The following GORASP1 variants were observed in gnomAD, a reference collection of about 807,000 sequenced individuals.
The protein encoded by GORASP1 is Golgi reassembly-stacking protein 1.
Under a neutral mutation model 37.7 loss-of-function variants are expected in GORASP1, and 31 were observed. The ratio of observed to expected loss-of-function variants is 0.82; its 90% CI spans 0.62 to 1.11. The LOEUF (loss-of-function observed/expected upper bound fraction) is 1.11, where lower values mean the gene tolerates loss of function less well. GORASP1 is among the 50% of genes least tolerant of loss of function. The pLI is 0.00. For synonymous variants in GORASP1, 204 were observed against 224.8 expected (o/e 0.91, Z 0.83); for missense variants, 476 against 560.7 (o/e 0.85, Z 1.53).
chr3:39,100,311 G>A lies in GORASP1; in HGVS notation c.759C>T (p.Tyr253=), dbSNP rs541154598. 2 of 1,613,850 alleles carry A rather than the reference G, an allele frequency of 1.2e-6. No individual in the cohort carries two copies. The highest frequency in any genetic ancestry group is 2.7e-5 in the African/African-American group (2 of 74,898). Residue 253 remains tyrosine, a synonymous_variant, in exon 6 of 9, where the codon TAC becomes TAT. Transcript: ENST00000319283. The surrounding 1 kb of genome is among the most constrained non-coding windows in gnomAD (Gnocchi z 4.6). ...SLETGSRQSD[Y]MEALLQAPGS... is the part of the protein sequence containing the mutation. The stretch of plus-strand genomic sequence containing the variant: ...GCAGATTCTCCCCACATACCTCCAT[G>A]TAGTCACTCTGCCTGGAACCTGTCT...
chr3:39,102,931 G>T lies in GORASP1; in HGVS notation c.145-50C>A. On this transcript the variant is annotated intron_variant, in intron 2 of 8. Transcript: ENST00000319283. This position sits in a 1 kb window ranked among gnomAD's most constrained non-coding sequence, Gnocchi z 5.0. ...CAAGGCCACCTCATGCCCAGGCTAG[G>T]ACCCTCAGACAAGTCTGGGCCTGAG... is the stretch of plus-strand genomic sequence containing the variant. 1.3e-6 allele frequency: 2 copies of T among 1,554,488 alleles called. No homozygotes were observed. Among genetic ancestry groups the T allele is most frequent in the South Asian group, 2.2e-5 (2 of 89,898 alleles).
Position 39,099,491 on chromosome 3 carries a change from C to G in GORASP1, c.778G>C (p.Ala260Pro), listed in dbSNP as rs1341546550. Residue 260 changes from alanine (A) to proline (P), a missense_variant, in exon 7 of 9, where the codon GCA becomes CCA. Ala to Pro is a conservative substitution (Grantham distance 27). Coordinates refer to ENST00000319283, the MANE Select transcript of GORASP1 (RefSeq NM_031899.4). ...QSDYMEALLQ[A>P]PGSSMEDPLP... ...GGATCCTCCATGGAGGAGCCAGGTG[C>G]CTGCAGCAGGGCCTAGGAAAGAAGA... The G allele has an allele frequency of 2.5e-6, 4 of 1,610,198 alleles. No homozygotes were observed. The highest frequency in any genetic ancestry group is 3.4e-6 in the Non-Finnish European group (4 of 1,178,480).
Position 39,105,893 on chromosome 3 carries a change from G to A in GORASP1, c.63+1586C>T, listed in dbSNP as rs1331270509. On this transcript the variant is annotated intron_variant, in intron 1 of 8. Transcript: ENST00000319283. This position sits in a 1 kb window ranked among gnomAD's most constrained non-coding sequence, Gnocchi z 5.4. ...AAACACACAAGCACAACCTACCTCG[G>A]GGCCTCTGCACAAGCTGGTCCTTCT... Among the ~76,000 whole-genome samples the A allele has an allele frequency of 6.6e-6, 1 of 152,074 alleles. No homozygotes were observed. Among genetic ancestry groups the A allele is most frequent in the African/African-American group, 2.4e-5 (1 of 41,408 alleles).
intron 3 of GORASP1, 24 bp from the exon 4 acceptor site, chr3:39,101,126 T>C (rs1461586176): frequency 6.2e-7 from 1 of 1,610,128 alleles, no homozygotes; most frequent in Non-Finnish European, 8.5e-7. Flanking sequence ...CGCAAACCAC[T>C]GGCCATGCTA....
chr3:39,098,098 G>GCCC lies in GORASP1; in HGVS notation c.*135_*137dup. 1.0e-6 allele frequency: 1 copy of GCCC among 1,001,928 alleles called. No individual in the cohort carries two copies. The highest frequency in any genetic ancestry group is 1.5e-6 in the Non-Finnish European group (1 of 680,970). The allele number at this position is 1,001,928 out of a possible 1,614,324, so 62.1% of individuals were successfully genotyped here. On this transcript the variant is annotated 3_prime_UTR_variant, in exon 9 of 9. Coordinates refer to ENST00000319283, the MANE Select transcript of GORASP1 (RefSeq NM_031899.4). The surrounding 1 kb of genome is among the most constrained non-coding windows in gnomAD (Gnocchi z 4.7). ...AAGATATCCTCCCACAAGGCCCATG[G>GCCC]CCCCCTCTCACCACCCACTGAGGCC...
In GORASP1 at chr3:39,098,526, G is replaced by C; in HGVS notation, c.1070-37C>G. The C allele has an allele frequency of 6.3e-7, 1 of 1,588,934 alleles. No individual in the cohort carries two copies. The highest frequency in any genetic ancestry group is 8.6e-7 in the Non-Finnish European group (1 of 1,166,924). ...AAGATCAGGCTGAGGAGGTCTGCAA[G>C]AACCTAGGGCCATGGTGTTAGGGCC... On this transcript the variant is annotated intron_variant, in intron 8 of 8. Coordinates refer to ENST00000319283, the MANE Select transcript of GORASP1 (RefSeq NM_031899.4). This position sits in a 1 kb window ranked among gnomAD's most constrained non-coding sequence, Gnocchi z 4.7.
chr3:39,103,505 C>CA lies in GORASP1; in HGVS notation c.111dup (p.Asp38Ter). The CA allele has an allele frequency of 6.2e-7, 1 of 1,613,572 alleles. No individual in the cohort carries two copies. The highest frequency in any genetic ancestry group is 8.5e-7 in the Non-Finnish European group (1 of 1,179,882). On this transcript the variant is annotated frameshift_variant, in exon 2 of 9. Coordinates refer to ENST00000319283, the MANE Select transcript of GORASP1 (RefSeq NM_031899.4). LOFTEE classifies it high-confidence loss of function. The surrounding 1 kb of genome is among the most constrained non-coding windows in gnomAD (Gnocchi z 5.2). ...GAGTGCCCAATGGTGATGATGAAGT[C>CA]AAAGTAGGGCTCCAGGCCCGCCTGC...
At position 39,098,233 on chromosome 3, in the gene GORASP1, G is replaced by A. The variant is rs767521005; in HGVS notation, c.*3C>T. The stretch of plus-strand genomic sequence containing the variant: ...ATCATGGGCCTTGTCACAGCCCAGG[G>A]TGTTATTCTGTGGTAGAGATCTGGG... On this transcript the variant is annotated 3_prime_UTR_variant, in exon 9 of 9. Transcript: ENST00000319283. This position sits in a 1 kb window ranked among gnomAD's most constrained non-coding sequence, Gnocchi z 4.7. 27 of 1,613,582 alleles carry A rather than the reference G, an allele frequency of 1.7e-5. No homozygotes were observed. Among genetic ancestry groups the A allele is most frequent in the Non-Finnish European group, 8.5e-7 (1 of 1,179,886 alleles).
At chr3:39,104,857 G>A (rs1330796023) in intron 1 of GORASP1, among the ~76,000 whole-genome samples, 3 of 152,226 alleles carry the variant, frequency 2.0e-5, no homozygotes, top group Non-Finnish European at 4.4e-5. Flanking sequence ...CCCCGCTGCA[G>A]GGGAGCTCTG....
chr3:39,099,491 C>A lies in GORASP1; in HGVS notation c.778G>T (p.Ala260Ser). The A allele has an allele frequency of 6.2e-7, 1 of 1,610,316 alleles. No individual in the cohort carries two copies. The highest frequency in any genetic ancestry group is 1.1e-5 in the South Asian group (1 of 90,250). The change falls in exon 7 of 9, where the codon GCA (alanine) becomes TCA (serine). Residue 260 changes from alanine (A) to serine (S), a missense_variant. Coordinates refer to ENST00000319283, the MANE Select transcript of GORASP1 (RefSeq NM_031899.4). ...QSDYMEALLQ[A>S]PGSSMEDPLP... is the part of the protein sequence containing the mutation. Reference sequence around the variant, plus strand: ...GGATCCTCCATGGAGGAGCCAGGTGCCTGCAGCAGGGCCTAGGAAAGAAGA... The same window carrying A: ...GGATCCTCCATGGAGGAGCCAGGTGACTGCAGCAGGGCCTAGGAAAGAAGA...
rs1000439869 is a variant in GORASP1 at position 39,102,503 on chromosome 3, G to A, written c.348+175C>T. 2 of 656,236 alleles carry A rather than the reference G, an allele frequency of 3.0e-6. No homozygotes were observed. Among genetic ancestry groups the A allele is most frequent in the Non-Finnish European group, 5.4e-6 (2 of 369,208 alleles). 40.7% of individuals were successfully genotyped at this position (656,236 alleles called of 1,614,324 possible). ...TACACTGTTCAGGTAGTAATGAGCT[G>A]CCCTCTCTGGGACACTGGAATGAGA... On this transcript the variant is annotated intron_variant, in intron 3 of 8. Coordinates refer to ENST00000319283, the MANE Select transcript of GORASP1 (RefSeq NM_031899.4). This position sits in a 1 kb window ranked among gnomAD's most constrained non-coding sequence, Gnocchi z 5.0.
Position 39,098,264 on chromosome 3 carries a change from C to T in GORASP1, c.1295G>A (p.Ser432Asn), listed in dbSNP as rs36101370. ...TTCTGTGGTAGAGATCTGGGCCTGG[C>T]TGTCCAGCCCCTCAGCCTCCGTCCC... ...DTGTEAEGLDSQAQISTTE is the reference protein window; with the variant it reads ...DTGTEAEGLDNQAQISTTE The change falls in exon 9 of 9, where the codon AGC becomes AAC. Residue 432 changes from serine to asparagine, a missense_variant. Coordinates refer to ENST00000319283, the MANE Select transcript of GORASP1 (RefSeq NM_031899.4). The surrounding 1 kb of genome is among the most constrained non-coding windows in gnomAD (Gnocchi z 4.7). 1.5e-3 allele frequency: 2,493 copies of T among 1,614,160 alleles called. 32 individuals carry two copies. In the African/African-American group the frequency reaches 0.03, roughly 19 times the overall value.
chr3:39,103,861 G>T lies in GORASP1; in HGVS notation c.64-308C>A, dbSNP rs956230776. The T allele has an allele frequency of 3.2e-6, 1 of 308,864 alleles. No homozygotes were observed. Among genetic ancestry groups the T allele is most frequent in the African/African-American group, 2.2e-5 (1 of 46,398 alleles). The allele number at this position is 308,864 out of a possible 1,614,324, so 19.1% of individuals were successfully genotyped here. ...TATGGAGACAGGCTGGCCCAGGCCT[G>T]TGGGAATGCTGCTCTAGAGGGCTAG... is the stretch of plus-strand genomic sequence containing the variant. On this transcript the variant is annotated intron_variant, in intron 1 of 8. Transcript: ENST00000319283. This position sits in a 1 kb window ranked among gnomAD's most constrained non-coding sequence, Gnocchi z 5.2.
In GORASP1 at chr3:39,102,587, C is replaced by T; in HGVS notation, c.348+91G>A. The T allele has an allele frequency of 1.6e-6, 2 of 1,276,254 alleles. No homozygotes were observed. The highest frequency in any genetic ancestry group is 2.2e-6 in the Non-Finnish European group (2 of 897,260). 79.1% of individuals were successfully genotyped at this position (1,276,254 alleles called of 1,614,324 possible). A position where few individuals can be genotyped will look rare whatever the true frequency, so the allele number is the denominator to read the frequency against. ...CTCCAAGGCTCCCACTCCACTCCTG[C>T]ATGTACCCCCTCACACCCCGCCCAC... On this transcript the variant is annotated intron_variant, in intron 3 of 8. Transcript: ENST00000319283. This position sits in a 1 kb window ranked among gnomAD's most constrained non-coding sequence, Gnocchi z 5.0.
At position 39,100,550 on chromosome 3, in the gene GORASP1, C is replaced by T; in HGVS notation, c.567-47G>A. The stretch of plus-strand genomic sequence containing the variant: ...CAATCCAGGGGCTTGTCCCACGGCC[C>T]TCCCTACCTTTGCTATCCCCACCTA... On this transcript the variant is annotated intron_variant, in intron 5 of 8. Transcript: ENST00000319283. This position sits in a 1 kb window ranked among gnomAD's most constrained non-coding sequence, Gnocchi z 4.6. 6.6e-7 allele frequency: 1 copy of T among 1,518,958 alleles called. No homozygotes were observed. The highest frequency in any genetic ancestry group is 1.3e-5 in the South Asian group (1 of 76,058). 94.1% of individuals were successfully genotyped at this position (1,518,958 alleles called of 1,614,324 possible).
At chr3:39,107,188 A>C in intron 1 of GORASP1, 1 of 534,334 alleles carries the variant, frequency 1.9e-6, no homozygotes, top group Non-Finnish European at 3.6e-6. Flanking sequence ...TTCACCCGGG[A>C]GGAGCGCCAT....
chr3:39,099,225 G>T, intron 7 of GORASP1, 128 bp downstream of exon 7: 1 of 1,079,020 alleles, frequency 9.3e-7, no homozygotes, highest in Non-Finnish European at 1.4e-6. Context: ...TGGATGATAT[G>T]CAACTATTAA....
rs200621752 is a variant in GORASP1, at chr3:39,103,427, C to T, written c.144+46G>A. On this transcript the variant is annotated intron_variant, in intron 2 of 8. Transcript: ENST00000319283. The surrounding 1 kb of genome is among the most constrained non-coding windows in gnomAD (Gnocchi z 5.2). Reference sequence around the variant, plus strand: ...CCCCTGTGGGACAGATGAAGACACACAAACACACATAAGCAAGCAAAGCAG... The same window carrying T: ...CCCCTGTGGGACAGATGAAGACACATAAACACACATAAGCAAGCAAAGCAG... 3.9e-6 allele frequency: 6 copies of T among 1,524,452 alleles called. No individual in the cohort carries two copies. Among genetic ancestry groups the T allele is most frequent in the African/African-American group, 2.7e-5 (2 of 72,754 alleles). 94.4% of individuals were successfully genotyped at this position (1,524,452 alleles called of 1,614,324 possible). A position where few individuals can be genotyped will look rare whatever the true frequency, so the allele number is the denominator to read the frequency against.
chr3:39,102,776 C>T lies in GORASP1; in HGVS notation c.250G>A (p.Val84Met). 1 of 1,614,232 alleles carries T rather than the reference C, an allele frequency of 6.2e-7. No individual in the cohort carries two copies. The highest frequency in any genetic ancestry group is 8.5e-7 in the Non-Finnish European group (1 of 1,180,032). Reference sequence around the variant, plus strand: ...CCGCCCCACATGTTGCTGGGCACCACCTCCACCTCGCGCACCCTCATGGTC... The same window carrying T: ...CCGCCCCACATGTTGCTGGGCACCATCTCCACCTCGCGCACCCTCATGGTC... The part of the protein sequence containing the change: ...MKTMRVREVE[V>M]VPSNMWGGQG... Residue 84 changes from valine to methionine, a missense_variant, in exon 3 of 9, where the codon GTG (valine) becomes ATG (methionine). Coordinates refer to ENST00000319283, the MANE Select transcript of GORASP1 (RefSeq NM_031899.4). This position sits in a 1 kb window ranked among gnomAD's most constrained non-coding sequence, Gnocchi z 5.0.
Sources: gnomAD v4.1 joint callset for allele counts (sites outside exome capture counted in the v4.1 genomes callset) on GRCh38, gnomAD v4.1.1 for gene constraint, Gnocchi (gnomAD v3.1) non-coding constraint, MANE v1.5 for transcripts, NCBI Gene and HGNC (gene_info 2026-07-23, HGNC 2026-07-21) for gene names.